Variants in AGMO observed in about 807,000 individuals in gnomAD.
The protein encoded by AGMO is alkylglycerol monooxygenase.
In AGMO, 75 loss-of-function variants were observed where a neutral mutation model predicts 60.2. That is an observed-to-expected ratio of 1.25 (90% CI 1.03 to 1.51). The LOEUF is 1.51. Among genes scored for constraint, AGMO ranks in the 40% most tolerant of loss-of-function variants. AGMO has a pLI of 0.00. For missense variants in AGMO, 763 were observed against 525.5 expected (o/e 1.45, Z -4.42); for synonymous variants, 261 against 177.1 (o/e 1.47, Z -3.76).
In AGMO at chr7:15,201,131, A is replaced by G. The variant is rs1161417638; in HGVS notation, c.*154T>C. The G allele has an allele frequency of 6.2e-6, 3 of 480,274 alleles. No individual in the cohort carries two copies. Among genetic ancestry groups the G allele is most frequent in the Non-Finnish European group, 1.0e-5 (3 of 286,274 alleles). The allele number at this position is 480,274 out of a possible 1,614,324, so 29.8% of individuals were successfully genotyped here. A position where few individuals can be genotyped will look rare whatever the true frequency, so the allele number is the denominator to read the frequency against. On this transcript the variant is annotated 3_prime_UTR_variant, in exon 13 of 13. Transcript: ENST00000342526. The stretch of plus-strand genomic sequence containing the variant: ...TTTAATTTTTAATAGAAAATAACAA[A>G]TGTGAAAGGCAAACAATAGTAAATA...
At chr7:15,329,840 T>C (rs1210076088) in intron 12 of AGMO, among the ~76,000 whole-genome samples, 1 of 152,246 alleles carries the variant, frequency 6.6e-6, no homozygotes, top group African/African-American at 2.4e-5. Flanking sequence ...GGAAGCTTCA[T>C]ATCCCACGAG....
chr7:15,395,903 G>A (rs1203297438), intron 5 of AGMO: 1 of 152,118 alleles, frequency 6.6e-6, no homozygotes, highest in Non-Finnish European at 1.5e-5. Flanking sequence ...AATAGGTGGG[G>A]TGACCATATC....
intron 12 of AGMO, among the ~76,000 whole-genome samples, chr7:15,317,624 A>G (rs1336364078): frequency 6.6e-6 from 1 of 152,050 alleles, no homozygotes; most frequent in Non-Finnish European, 1.5e-5. Flanking sequence ...ACATGAACGC[A>G]TTATTATTAT....
chr7:15,495,866 C>CCT (rs5882516), intron 3 of AGMO, among the ~76,000 whole-genome samples: 70,907 of 137,462 alleles, frequency 0.52, 19,963 homozygotes, highest in East Asian at 0.94. Context: ...CTCTCTCTCT[C>CCT]CTCTCTCTCT....
intron 3 of AGMO, among the ~76,000 whole-genome samples, chr7:15,457,388 AT>A (rs1040525803): frequency 6.6e-6 from 1 of 152,180 alleles, no homozygotes; most frequent in Non-Finnish European, 1.5e-5. Flanking sequence ...CTTAAACTTA[AT>A]TGACAGTTTA....
rs553841911 is a variant in AGMO, at chr7:15,386,729, T to C, written c.957+677A>G. On this transcript the variant is annotated intron_variant, in intron 9 of 12. Coordinates refer to ENST00000342526, the MANE Select transcript of AGMO (RefSeq NM_001004320.2). ...ATTAAGAGTAGTTTACTCTTCCTAT[T>C]GTTTCTGCATTACTATACATTTATT... 3.9e-5 allele frequency among the ~76,000 whole-genome samples: 6 copies of C among 152,282 alleles called. No homozygotes were observed. The East Asian group carries it at 1.2e-3, about 29-fold the overall frequency.
chr7:15,322,537 TATATATATAA>T (rs1563086218), intron 12 of AGMO, among the ~76,000 whole-genome samples: 2 of 46,426 alleles, frequency 4.3e-5, no homozygotes, highest in South Asian at 6.6e-4. Flanking sequence ...AATATATAAA[TATATATATAA>T]ATATATATAA....
At chr7:15,209,577 C>A (rs967416107) in intron 12 of AGMO, among the ~76,000 whole-genome samples, 4 of 152,162 alleles carry the variant, frequency 2.6e-5, no homozygotes, top group Non-Finnish European at 5.9e-5. Flanking sequence ...TAATAGAAGG[C>A]CAGCAGCCCA....
chr7:15,405,142 T>C (rs1288485167), intron 5 of AGMO, among the ~76,000 whole-genome samples: 1 of 151,838 alleles, frequency 6.6e-6, no homozygotes, highest in East Asian at 1.9e-4. Flanking sequence ...TTAAAAAATC[T>C]ATATTATTAA....
chr7:15,364,299 T>C (rs910289059), intron 12 of AGMO, among the ~76,000 whole-genome samples: 1 of 151,962 alleles, frequency 6.6e-6, no homozygotes, highest in African/African-American at 2.4e-5. Flanking sequence ...TATATTTACA[T>C]ACATACAATA....
chr7:15,556,219 G>GCT (rs1785131477), intron 2 of AGMO, among the ~76,000 whole-genome samples: 1 of 91,506 alleles, frequency 1.1e-5, no homozygotes, highest in African/African-American at 3.9e-5. Flanking sequence ...CTCCTTTTTA[G>GCT]TTTTTTTTTT....
At chr7:15,390,971 C>T (rs1784115445) in intron 6 of AGMO, 66 bp from the exon 7 acceptor site, 1 of 975,994 alleles carries the variant, frequency 1.0e-6, no homozygotes, top group South Asian at 1.6e-5. Flanking sequence ...ATACTTCCAT[C>T]TTGTTTTTTA....
At chr7:15,313,130 T>A (rs988768671) in intron 12 of AGMO, among the ~76,000 whole-genome samples, 1 of 152,172 alleles carries the variant, frequency 6.6e-6, no homozygotes, top group Non-Finnish European at 1.5e-5. Context: ...CTTGTGAGGC[T>A]AAAAATGAAA....
chr7:15,552,960 G>T (rs1160323545), intron 2 of AGMO, among the ~76,000 whole-genome samples: 3 of 151,932 alleles, frequency 2.0e-5, no homozygotes, highest in Admixed American at 2.0e-4. Context: ...AGAAAATGTG[G>T]CACATATACA....
At position 15,369,824 on chromosome 7, in the gene AGMO, A is replaced by G. The variant is rs756129179; in HGVS notation, c.1075-3602T>C. On this transcript the variant is annotated intron_variant, in intron 10 of 12. Transcript: ENST00000342526. Reference sequence around the variant, plus strand: ...TTATTGAAAGACTGATAAAATGTTTATATTTGTTTTAGTATTAATACATTA... The same window carrying G: ...TTATTGAAAGACTGATAAAATGTTTGTATTTGTTTTAGTATTAATACATTA... Among the ~76,000 whole-genome samples the G allele has an allele frequency of 1.1e-4, 16 of 152,260 alleles. No individual in the cohort carries two copies. In the South Asian group the frequency reaches 1.5e-3, roughly 14 times the overall value.
chr7:15,201,198 T>C lies in AGMO; in HGVS notation c.*87A>G. On this transcript the variant is annotated 3_prime_UTR_variant, in exon 13 of 13. Transcript: ENST00000342526. Reference sequence around the variant, plus strand: ...ATTGAAGAAATAGTTCATATAAGCATTACATAAAATAATTACATTTTAATA... The same window carrying C: ...ATTGAAGAAATAGTTCATATAAGCACTACATAAAATAATTACATTTTAATA... The C allele has an allele frequency of 1.3e-6, 1 of 780,358 alleles. No individual in the cohort carries two copies. Among genetic ancestry groups the C allele is most frequent in the Non-Finnish European group, 2.0e-6 (1 of 499,378 alleles). 48.3% of individuals were successfully genotyped at this position (780,358 alleles called of 1,614,324 possible).
intron 2 of AGMO, among the ~76,000 whole-genome samples, chr7:15,559,196 T>G (rs1440477660): frequency 1.3e-5 from 2 of 152,124 alleles, no homozygotes; most frequent in Non-Finnish European, 2.9e-5. Flanking sequence ...TTACTGCTTT[T>G]GGGGAAACTA....
Position 15,435,307 on chromosome 7 carries a change from G to T in AGMO, c.410-4199C>A, listed in dbSNP as rs1781368698. ...ACCTATCAAATTGTTTTCCAAAGTG[G>T]CTGTGCCTTTTTTTTTTTTTATTAG... On this transcript the variant is annotated intron_variant, in intron 3 of 12. Coordinates refer to ENST00000342526, the MANE Select transcript of AGMO (RefSeq NM_001004320.2). 2.1e-5 allele frequency among the ~76,000 whole-genome samples: 3 copies of T among 144,476 alleles called. No individual in the cohort carries two copies. In the South Asian group the frequency reaches 6.3e-4, roughly 31 times the overall value. 94.8% of individuals were successfully genotyped at this position (144,476 alleles called of 152,430 possible). A position where few individuals can be genotyped will look rare whatever the true frequency, so the allele number is the denominator to read the frequency against.
intron 8 of AGMO, among the ~76,000 whole-genome samples, chr7:15,389,929 C>T (rs1443822552): frequency 6.6e-6 from 1 of 152,118 alleles, no homozygotes; most frequent in African/African-American, 2.4e-5. Context: ...GAAAAGCTGA[C>T]CCAACATGAG....
Sources: gnomAD v4.1 joint callset for allele counts (sites outside exome capture counted in the v4.1 genomes callset) on GRCh38, gnomAD v4.1.1 for gene constraint, MANE v1.5 for transcripts, NCBI Gene and HGNC (gene_info 2026-07-23, HGNC 2026-07-21) for gene names.